PRDX2: variants seen among roughly 807,000 people sequenced by gnomAD.
PRDX2 encodes peroxiredoxin-2.
PRDX2 carries 10 observed loss-of-function variants against 19.8 expected under a neutral mutation model. That is an observed-to-expected ratio of 0.50 (90% confidence interval 0.31 to 0.86). PRDX2 has a LOEUF of 0.86. PRDX2 is among the 40% of genes least tolerant of loss of function. PRDX2 has a pLI of 0.04. For synonymous variants in PRDX2, 118 were observed against 108.2 expected, an observed-to-expected ratio of 1.09 and a Z score of -0.56; for missense variants, 226 against 260.1, an observed-to-expected ratio of 0.87 and a Z score of 0.90.
chr19:12,799,711 A>AAT, intron 5 of PRDX2, 148 bp downstream of exon 5: 1 of 1,140,306 alleles, frequency 8.8e-7, no homozygotes, highest in Non-Finnish European at 1.2e-6. Flanking sequence ...CTACCACATT[A>AAT]GAAACATCCT....
At position 12,799,974 on chromosome 19, in the gene PRDX2, G is replaced by A. The variant is rs1304065895; in HGVS notation, c.396C>T (p.Ile132=). The change falls in exon 5 of 6, where the codon ATC becomes ATT. Residue 132 remains isoleucine (I), a synonymous_variant. Transcript: ENST00000301522. ...TCTGGCGAAGGACACCCTTGCCATC[G>A]ATGATAAAGAGGCCCCTGAAGACAT... The part of the protein sequence containing the change: ...EGIAYRGLFI[I]DGKGVLRQIT... 1.9e-6 allele frequency: 3 copies of A among 1,613,916 alleles called. No homozygotes were observed. Among genetic ancestry groups the A allele is most frequent in the Non-Finnish European group, 2.5e-6 (3 of 1,179,920 alleles).
chr19:12,799,363 A>C lies in PRDX2; in HGVS notation c.511+496T>G, dbSNP rs552765981. 7.6e-5 allele frequency among the ~76,000 whole-genome samples: 11 copies of C among 144,044 alleles called. No individual in the cohort carries two copies. The East Asian group carries it at 2.2e-3, about 29-fold the overall frequency. 94.5% of individuals were successfully genotyped at this position (144,044 alleles called of 152,430 possible). A position where few individuals can be genotyped will look rare whatever the true frequency, so the allele number is the denominator to read the frequency against. ...TAGGCATGCTTCACAAACCAAGCTA[A>C]TTTTTTTTTTTTTTGAGACTGAGTT... On this transcript the variant is annotated intron_variant, in intron 5 of 5. Coordinates refer to ENST00000301522, the MANE Select transcript of PRDX2 (RefSeq NM_005809.6).
Position 12,797,180 on chromosome 19 carries a change from C to A in PRDX2, c.512-14G>T, listed in dbSNP as rs772130452. The A allele has an allele frequency of 6.2e-7, 1 of 1,610,992 alleles. No individual in the cohort carries two copies. The highest frequency in any genetic ancestry group is 1.1e-5 in the South Asian group (1 of 90,952). On this transcript the variant is annotated splice_polypyrimidine_tract_variant and intron_variant, in intron 5 of 5. Transcript: ENST00000301522. Reference sequence around the variant, plus strand: ...CAGCGGGACAAACTGTGGGAAGACACAAGGATGCACATGAAGGCTACAGCC... The same window carrying A: ...CAGCGGGACAAACTGTGGGAAGACAAAAGGATGCACATGAAGGCTACAGCC...
chr19:12,799,515 C>T (rs1223809243), intron 5 of PRDX2: 5 of 214,924 alleles, frequency 2.3e-5, no homozygotes, highest in South Asian at 1.3e-4. Context: ...TGCACCACCA[C>T]GGCCAGCTAA....
chr19:12,797,106 T>G lies in PRDX2; in HGVS notation c.572A>C (p.Lys191Thr). 3.1e-6 allele frequency: 5 copies of G among 1,614,176 alleles called. No individual in the cohort carries two copies. The highest frequency in any genetic ancestry group is 4.2e-6 in the Non-Finnish European group (5 of 1,180,038). Residue 191 changes from lysine (K) to threonine (T), a missense_variant, in exon 6 of 6, where the codon AAG becomes ACG. By Grantham distance (78) the Lys-to-Thr change is moderately conservative. Transcript: ENST00000301522. ...DTIKPNVDDS[K>T]EYFSKHN is the part of the protein sequence containing the mutation. Reference sequence around the variant, plus strand: ...CTAATTGTGTTTGGAGAAATATTCCTTGCTGTCATCCACGTTGGGCTTAAT... The same window carrying G: ...CTAATTGTGTTTGGAGAAATATTCCGTGCTGTCATCCACGTTGGGCTTAAT...
chr19:12,801,730 G>T lies in PRDX2; in HGVS notation c.-10+10C>A, dbSNP rs763653816. The T allele has an allele frequency of 6.4e-6, 2 of 313,000 alleles. No individual in the cohort carries two copies. Among genetic ancestry groups the T allele is most frequent in the Non-Finnish European group, 1.2e-5 (2 of 169,298 alleles). 19.4% of individuals were successfully genotyped at this position (313,000 alleles called of 1,614,324 possible). On this transcript the variant is annotated intron_variant, in intron 1 of 5. Coordinates refer to ENST00000301522, the MANE Select transcript of PRDX2 (RefSeq NM_005809.6). ...GGTCCTCCCGCCAGGTGCACTCCGG[G>T]TGTTCATACCTGCGTGGGCAAAGGC...
At chr19:12,799,548 C>T (rs1336176599) in intron 5 of PRDX2, 3 of 233,420 alleles carry the variant, frequency 1.3e-5, no homozygotes, top group South Asian at 1.1e-4. Flanking sequence ...TTCGTAGAGA[C>T]GGGGTTTCAC....
intron 3 of PRDX2, 101 bp from the exon 4 acceptor site, chr19:12,800,400 G>T (rs1471246291): frequency 1.4e-6 from 2 of 1,473,586 alleles, no homozygotes; most frequent in African/African-American, 2.8e-5. Flanking sequence ...CCGGAGATAA[G>T]GGGCTTTAGA....
intron 5 of PRDX2, among the ~76,000 whole-genome samples, chr19:12,798,602 A>G (rs1313012837): frequency 6.9e-6 from 1 of 145,508 alleles, no homozygotes; most frequent in African/African-American, 2.6e-5. Flanking sequence ...CCACCCACCT[A>G]GGCCTCCCAA....
chr19:12,796,986 T>C lies in PRDX2; in HGVS notation c.*95A>G, dbSNP rs2145812493. The C allele has an allele frequency of 1.5e-6, 2 of 1,298,630 alleles. No individual in the cohort carries two copies. Among genetic ancestry groups the C allele is most frequent in the African/African-American group, 1.5e-5 (1 of 68,854 alleles). The allele number at this position is 1,298,630 out of a possible 1,614,324, so 80.4% of individuals were successfully genotyped here. A position where few individuals can be genotyped will look rare whatever the true frequency, so the allele number is the denominator to read the frequency against. Reference sequence around the variant, plus strand: ...AGTTTGGAGGGGCAGGTCTGGCCTTTCCTGGGTCAGCATAGGGCACCCAGG... The same window carrying C: ...AGTTTGGAGGGGCAGGTCTGGCCTTCCCTGGGTCAGCATAGGGCACCCAGG... On this transcript the variant is annotated 3_prime_UTR_variant, in exon 6 of 6. Transcript: ENST00000301522.
Position 12,800,274 on chromosome 19 carries a change from C to G in PRDX2, c.283G>C (p.Gly95Arg), listed in dbSNP as rs1166637760. Residue 95 changes from glycine (G) to arginine (R), a missense_variant, in exon 4 of 6, where the codon GGC becomes CGC. Physicochemically the swap from Gly to Arg is moderately radical, Grantham distance 125. Transcript: ENST00000301522. ...AGGGGGATGTTCAGGGGGCCCAAGC[C>G]TCCCTCTTTCCGGGGGGTGTTGATC... Reference protein sequence around the residue: ...AWINTPRKEGGLGPLNIPLLA... With the variant: ...AWINTPRKEGRLGPLNIPLLA... 6.2e-7 allele frequency: 1 copy of G among 1,613,222 alleles called. No homozygotes were observed. The highest frequency in any genetic ancestry group is 8.5e-7 in the Non-Finnish European group (1 of 1,179,822).
intron 1 of PRDX2, 115 bp from the exon 2 acceptor site, chr19:12,801,385 A>C: frequency 9.2e-7 from 1 of 1,084,432 alleles, no homozygotes; most frequent in Non-Finnish European, 1.4e-6. Context: ...GACAGCACTA[A>C]CCCTCACCCT....
rs376098373 is a variant in PRDX2 at position 12,800,945 on chromosome 19, C to A, written c.228G>T (p.Ser76=). 8 of 1,610,924 alleles carry A rather than the reference C, an allele frequency of 5.0e-6. No homozygotes were observed. In the African/African-American group the frequency reaches 9.4e-5, roughly 19 times the overall value. Residue 76 remains serine (S), a synonymous_variant, in exon 3 of 6, where the codon TCG becomes TCT. Transcript: ENST00000301522. ...CCAGGTGGGTGAACTGAGAGTCCAC[C>A]GAGACGCCCAGCACTTCACAGCCCA... is the stretch of plus-strand genomic sequence containing the variant. ...RKLGCEVLGV[S]VDSQFTHLAW... is the part of the protein sequence containing the mutation.
chr19:12,797,068 TC>T lies in PRDX2; in HGVS notation c.*12del. The T allele has an allele frequency of 6.2e-7, 1 of 1,613,370 alleles. No homozygotes were observed. Among genetic ancestry groups the T allele is most frequent in the Non-Finnish European group, 8.5e-7 (1 of 1,179,744 alleles). On this transcript the variant is annotated 3_prime_UTR_variant, in exon 6 of 6. Coordinates refer to ENST00000301522, the MANE Select transcript of PRDX2 (RefSeq NM_005809.6). ...CCTAGGCAGGGGCACAAGCTCACTA[TC>T]CGTTAGCCAGCCTAATTGTGTTTGG...
At chr19:12,799,391 GCT>G (rs1271327760) in intron 5 of PRDX2, among the ~76,000 whole-genome samples, 1 of 149,398 alleles carries the variant, frequency 6.7e-6, no homozygotes, top group African/African-American at 2.5e-5. Flanking sequence ...ACTGAGTTTT[GCT>G]CTGTTGCCCA....
At chr19:12,799,650 G>A in intron 5 of PRDX2, 1 of 538,326 alleles carries the variant, frequency 1.9e-6, no homozygotes, top group Non-Finnish European at 3.0e-6. Context: ...GTGAGCCACT[G>A]AGCCCGGCCC....
intron 5 of PRDX2, among the ~76,000 whole-genome samples, chr19:12,799,320 C>G (rs1968848867): frequency 6.6e-6 from 1 of 152,050 alleles, no homozygotes. Flanking sequence ...GCCTCAGCCT[C>G]TTGAGTAGCT....
intron 5 of PRDX2, among the ~76,000 whole-genome samples, chr19:12,798,781 C>T (rs1968838616): frequency 6.6e-6 from 1 of 151,736 alleles, no homozygotes; most frequent in Non-Finnish European, 1.5e-5. Context: ...CCTCACTCTC[C>T]AGAGTAGGTG....
intron 5 of PRDX2, among the ~76,000 whole-genome samples, chr19:12,797,656 C>CTTTCTTTTTTTTTT (rs1321932913): frequency 3.5e-4 from 40 of 113,058 alleles, no homozygotes; most frequent in African/African-American, 9.8e-4. Flanking sequence ...TTCTTTCTTT[C>CTTTCTTTTTTTTTT]TTTTTTTTTT....
Sources: allele counts gnomAD v4.1 joint callset (sites outside exome capture counted in the v4.1 genomes callset), GRCh38; gene constraint gnomAD v4.1.1; transcripts MANE v1.5; gene names NCBI Gene and HGNC (gene_info 2026-07-23, HGNC 2026-07-21).